The following PBX3 variants were observed in gnomAD, a reference collection of about 807,000 sequenced individuals.
PBX3 encodes pre-B-cell leukemia transcription factor 3.
Under a neutral mutation model 48.5 loss-of-function variants are expected in PBX3, and 14 were observed. That is an observed-to-expected ratio of 0.29 (90% CI 0.19 to 0.45). The LOEUF (loss-of-function observed/expected upper bound fraction) is 0.45. Among genes scored for constraint, PBX3 ranks in the 20% least tolerant of loss-of-function variants. PBX3 has a pLI of 1.00. For synonymous variants in PBX3, 210 were observed against 200.3 expected, an observed-to-expected ratio of 1.05 and a Z score of -0.41; for missense variants, 386 against 546.7, an observed-to-expected ratio of 0.71 and a Z score of 2.93.
intron 4 of PBX3, 89 bp from the exon 5 acceptor site, chr9:125,935,383 C>T: frequency 8.8e-7 from 1 of 1,131,830 alleles, no homozygotes; most frequent in Non-Finnish European, 1.3e-6. Context: ...AAAGAGAAAT[C>T]TACTTTTTTG....
intron 2 of PBX3, among the ~76,000 whole-genome samples, chr9:125,793,357 G>GAAAA (rs374195121): frequency 1.9e-4 from 21 of 109,042 alleles, no homozygotes; most frequent in African/African-American, 4.3e-4. Flanking sequence ...ATTTGGGGGG[G>GAAAA]AAAAAAAAAA....
intron 2 of PBX3, among the ~76,000 whole-genome samples, chr9:125,750,956 G>A (rs1482681852): frequency 6.6e-6 from 1 of 152,142 alleles, no homozygotes; most frequent in Non-Finnish European, 1.5e-5. Flanking sequence ...AAATAAAACA[G>A]CTGTGTAGAC....
intron 2 of PBX3, among the ~76,000 whole-genome samples, chr9:125,789,819 C>A (rs1837550772): frequency 6.6e-6 from 1 of 152,048 alleles, no homozygotes; most frequent in African/African-American, 2.4e-5. Flanking sequence ...CCTATTGTGG[C>A]TATTCTAATG....
At chr9:125,886,473 C>T (rs567291154) in intron 2 of PBX3, among the ~76,000 whole-genome samples, 1 of 152,058 alleles carries the variant, frequency 6.6e-6, no homozygotes, top group African/African-American at 2.4e-5. Flanking sequence ...CTTGACATCC[C>T]GAATGGTAAA....
At chr9:125,887,068 A>C (rs575030453) in intron 2 of PBX3, among the ~76,000 whole-genome samples, 2 of 152,322 alleles carry the variant, frequency 1.3e-5, no homozygotes, top group East Asian at 3.9e-4. Flanking sequence ...TTTAAGAAGA[A>C]GACAACCCAG....
intron 5 of PBX3, among the ~76,000 whole-genome samples, chr9:125,945,730 G>C (rs917832167): frequency 6.6e-6 from 1 of 152,194 alleles, no homozygotes; most frequent in Admixed American, 6.5e-5. Flanking sequence ...TGATGGAGGG[G>C]ACATTAAAGC....
At chr9:125,847,684 C>G (rs1317386327) in intron 2 of PBX3, among the ~76,000 whole-genome samples, 5 of 148,748 alleles carry the variant, frequency 3.4e-5, no homozygotes, top group Non-Finnish European at 6.0e-5. Context: ...TTATCCTTTT[C>G]TTTATTTTCC....
intron 2 of PBX3, among the ~76,000 whole-genome samples, chr9:125,752,062 GA>G (rs1046617783): frequency 5.9e-5 from 9 of 151,900 alleles, no homozygotes; most frequent in Admixed American, 2.0e-4. Flanking sequence ...TGTTATGCAT[GA>G]AAAAAAATAA....
intron 2 of PBX3, among the ~76,000 whole-genome samples, chr9:125,795,671 T>G (rs1233939794): frequency 6.6e-6 from 1 of 152,210 alleles, no homozygotes; most frequent in Non-Finnish European, 1.5e-5. Context: ...AGGCACTGTT[T>G]TGTTTCCTTG....
At chr9:125,794,592 C>G (rs1470938224) in intron 2 of PBX3, among the ~76,000 whole-genome samples, 3 of 151,522 alleles carry the variant, frequency 2.0e-5, no homozygotes. Flanking sequence ...AAAAAAGATT[C>G]TGAGAACAAA....
At chr9:125,963,225 G>T (rs980401901) in intron 8 of PBX3, 124 bp downstream of exon 8, 31 of 519,330 alleles carry the variant, frequency 6.0e-5, no homozygotes, top group Non-Finnish European at 1.0e-4. Flanking sequence ...CAGCGTCTTT[G>T]CTGCACTTTT....
At chr9:125,949,938 G>A (rs1842156644) in intron 5 of PBX3, among the ~76,000 whole-genome samples, 1 of 152,184 alleles carries the variant, frequency 6.6e-6, no homozygotes, top group Non-Finnish European at 1.5e-5. Context: ...CAGTGTAGCT[G>A]ATGGGAGGCA....
chr9:125,780,988 T>C (rs867983347), intron 2 of PBX3, among the ~76,000 whole-genome samples: 2 of 49,970 alleles, frequency 4.0e-5, no homozygotes, highest in African/African-American at 1.0e-4. Flanking sequence ...CGCTCCTCAC[T>C]TCCTAGATGG....
chr9:125,786,852 G>A (rs1027575613), intron 2 of PBX3, among the ~76,000 whole-genome samples: 2 of 151,888 alleles, frequency 1.3e-5, no homozygotes, highest in South Asian at 2.1e-4. Flanking sequence ...AGCCTCCTGA[G>A]TAGCTGAGAT....
At chr9:125,755,084 G>A (rs964843485) in intron 2 of PBX3, among the ~76,000 whole-genome samples, 8 of 151,938 alleles carry the variant, frequency 5.3e-5, no homozygotes, top group African/African-American at 1.9e-4. Context: ...ATGGCAAAAT[G>A]ATTTTTTGTT....
intron 2 of PBX3, among the ~76,000 whole-genome samples, chr9:125,757,942 A>C (rs1459449798): frequency 6.6e-6 from 1 of 152,210 alleles, no homozygotes; most frequent in African/African-American, 2.4e-5. Flanking sequence ...TGTTAGAATC[A>C]GTAGAGAAAA....
chr9:125,947,366 TATGAG>T (rs753557138), intron 5 of PBX3, among the ~76,000 whole-genome samples: 1 of 152,128 alleles, frequency 6.6e-6, no homozygotes, highest in Non-Finnish European at 1.5e-5. Flanking sequence ...CCTTATAAGT[TATGAG>T]AGGAGAGTAA....
chr9:125,951,341 C>T (rs1281298991), intron 5 of PBX3, among the ~76,000 whole-genome samples: 1 of 152,132 alleles, frequency 6.6e-6, no homozygotes, highest in African/African-American at 2.4e-5. Flanking sequence ...TCTTGGTCTT[C>T]TGTGGTAGGA....
At chr9:125,936,537 T>C (rs1409641333) in intron 5 of PBX3, among the ~76,000 whole-genome samples, 4 of 152,186 alleles carry the variant, frequency 2.6e-5, no homozygotes, top group African/African-American at 7.2e-5. Context: ...TAAATACTTG[T>C]ACTGTAGATA....
Sources: gnomAD v4.1 joint callset for allele counts (sites outside exome capture counted in the v4.1 genomes callset) on GRCh38, gnomAD v4.1.1 for gene constraint, MANE v1.5 for transcripts, NCBI Gene and HGNC (gene_info 2026-07-23, HGNC 2026-07-21) for gene names.